Variants in RET observed in about 807,000 individuals in gnomAD.
RET encodes proto-oncogene tyrosine-protein kinase receptor Ret.
Under a neutral mutation model 118.3 loss-of-function variants are expected in RET, and 19 were observed. That is an observed-to-expected ratio of 0.16 (90% CI 0.11 to 0.24). The LOEUF is 0.24. Ranked by LOEUF, RET falls within the 10% of genes least tolerant of loss-of-function variation. RET has a pLI of 1.00. For missense variants in RET, 1,219 were observed against 1,502.1 expected (o/e 0.81, Z 3.12); for synonymous variants, 597 against 644.1 (o/e 0.93, Z 1.11).
intron 1 of RET, among the ~76,000 whole-genome samples, chr10:43,093,725 C>T (rs1163684196): frequency 6.6e-6 from 1 of 152,158 alleles, no homozygotes; most frequent in African/African-American, 2.4e-5. Flanking sequence ...CAGGAGGGGC[C>T]GGCCTGAGCA....
chr10:43,113,793 T>TTCCC, intron 10 of RET, 118 bp downstream of exon 10: 1 of 1,419,510 alleles, frequency 7.0e-7, no homozygotes, highest in Non-Finnish European at 9.6e-7. Context: ...CCCATGAAAC[T>TTCCC]TCCCTCCCTC....
At chr10:43,080,440 G>A (rs964811653) in intron 1 of RET, among the ~76,000 whole-genome samples, 1 of 152,254 alleles carries the variant, frequency 6.6e-6, no homozygotes, top group Non-Finnish European at 1.5e-5. Flanking sequence ...CATGGTCTTG[G>A]CCCATTTCAC....
intron 16 of RET, among the ~76,000 whole-genome samples, chr10:43,122,829 T>C (rs1430046447): frequency 6.6e-6 from 1 of 152,188 alleles, no homozygotes; most frequent in Non-Finnish European, 1.5e-5. Flanking sequence ...CACACTGGTC[T>C]TGAATCCTGA....
intron 8 of RET, 85 bp downstream of exon 8, chr10:43,112,309 T>A (rs2132804062): frequency 6.9e-7 from 1 of 1,444,452 alleles, no homozygotes; most frequent in Non-Finnish European, 9.1e-7. Flanking sequence ...CAGCCTGGGG[T>A]GGCTCTCCCT....
At chr10:43,110,453 C>G (rs923539015) in intron 6 of RET, among the ~76,000 whole-genome samples, 1 of 152,158 alleles carries the variant, frequency 6.6e-6, no homozygotes, top group African/African-American at 2.4e-5. Context: ...GGCCCGCCCC[C>G]ATCTCGCCAT....
chr10:43,093,263 G>A (rs980439856), intron 1 of RET, among the ~76,000 whole-genome samples: 4 of 152,130 alleles, frequency 2.6e-5, no homozygotes, highest in Non-Finnish European at 5.9e-5. Context: ...TCCTCTGTGC[G>A]AGATTGCCTG....
intron 6 of RET, among the ~76,000 whole-genome samples, chr10:43,110,174 G>GT (rs1274595941): frequency 6.6e-6 from 1 of 152,160 alleles, no homozygotes; most frequent in Non-Finnish European, 1.5e-5. Context: ...TCTCATGGGG[G>GT]GCGGGGCAAG....
chr10:43,113,044 G>C (rs1837977999), intron 9 of RET, 81 bp downstream of exon 9: 28 of 1,161,274 alleles, frequency 2.4e-5, no homozygotes, highest in Non-Finnish European at 3.5e-5. Context: ...TTCAGCCAGA[G>C]TTGCCAGGGC....
chr10:43,099,443 G>A (rs1445178649), intron 1 of RET, among the ~76,000 whole-genome samples: 3 of 151,820 alleles, frequency 2.0e-5, no homozygotes, highest in Non-Finnish European at 1.5e-5. Context: ...CCCGGGAGGT[G>A]GAAGTTGTGG....
At chr10:43,081,260 C>A (rs1837175146) in intron 1 of RET, among the ~76,000 whole-genome samples, 1 of 151,860 alleles carries the variant, frequency 6.6e-6, no homozygotes, top group Non-Finnish European at 1.5e-5. Context: ...CTCTGCTGTG[C>A]CCTCTATCTC....
intron 2 of RET, 172 bp from the exon 3 acceptor site, chr10:43,102,170 C>T: frequency 2.9e-6 from 2 of 701,008 alleles, no homozygotes; most frequent in South Asian, 2.0e-5. Flanking sequence ...GGCAGCAGGG[C>T]TGTGCAGCAG....
At chr10:43,125,938 G>A (rs7894347) in intron 18 of RET, among the ~76,000 whole-genome samples, 2,871 of 152,254 alleles carry the variant, frequency 0.019, 88 homozygotes, top group African/African-American at 0.065. Flanking sequence ...AGAAACAGCC[G>A]GGAAAACGCT....
At chr10:43,115,043 C>A (rs1838040058) in intron 11 of RET, among the ~76,000 whole-genome samples, 2 of 152,166 alleles carry the variant, frequency 1.3e-5, no homozygotes, top group Admixed American at 6.5e-5. Flanking sequence ...GGGAGCCTGG[C>A]CTGCAGGTCT....
rs1060504030 is a variant in RET at position 43,111,475 on chromosome 10, T to C, written c.1522+10T>C. 1 of 1,553,894 alleles carries C rather than the reference T, an allele frequency of 6.4e-7. No individual in the cohort carries two copies. Among genetic ancestry groups the C allele is most frequent in the Admixed American group, 1.7e-5 (1 of 58,788 alleles). On this transcript the variant is annotated intron_variant, in intron 7 of 19. Coordinates refer to ENST00000355710, the MANE Select transcript of RET (RefSeq NM_020975.6). Reference sequence around the variant, plus strand: ...ACAGTGGAGGGGTCATGTGAGTGCCTGCTCCAGGGAGGGAGGGTCGGGGTC... The same window carrying C: ...ACAGTGGAGGGGTCATGTGAGTGCCCGCTCCAGGGAGGGAGGGTCGGGGTC...
chr10:43,079,978 C>T (rs376847219), intron 1 of RET, among the ~76,000 whole-genome samples: 1 of 152,204 alleles, frequency 6.6e-6, no homozygotes, highest in African/African-American at 2.4e-5. Flanking sequence ...AAGCTGCCTG[C>T]AGCCCTCACT....
intron 3 of RET, 113 bp from the exon 4 acceptor site, chr10:43,104,838 TG>T: frequency 2.0e-6 from 3 of 1,476,552 alleles, no homozygotes; most frequent in Non-Finnish European, 2.7e-6. Context: ...AGGGGAGGCC[TG>T]GGGCCGCGGC....
intron 1 of RET, among the ~76,000 whole-genome samples, chr10:43,081,476 G>A (rs1199881727): frequency 2.6e-5 from 4 of 152,158 alleles, no homozygotes; most frequent in African/African-American, 4.8e-5. Flanking sequence ...TTCCGCATGC[G>A]TGTGTGGCAA....
At chr10:43,103,774 G>A (rs892672990) in intron 3 of RET, among the ~76,000 whole-genome samples, 1 of 152,146 alleles carries the variant, frequency 6.6e-6, no homozygotes, top group Non-Finnish European at 1.5e-5. Context: ...TTAGTGGGGG[G>A]TTTTTTGTAA....
At chr10:43,118,265 C>G (rs570324837) in intron 12 of RET, 108 bp from the exon 13 acceptor site, 82 of 854,074 alleles carry the variant, frequency 9.6e-5, no homozygotes, top group Non-Finnish European at 1.5e-4. Flanking sequence ...TTGCAGGCCT[C>G]TCTGTCTGAA....
Sources: allele counts gnomAD v4.1 joint callset (sites outside exome capture counted in the v4.1 genomes callset), GRCh38; gene constraint gnomAD v4.1.1; transcripts MANE v1.5; gene names NCBI Gene and HGNC (gene_info 2026-07-23, HGNC 2026-07-21).